PKHD1L1: variants seen among roughly 807,000 people sequenced by gnomAD.
PKHD1L1 encodes PKHD1 like 1, also known as fibrocystin-L.
In PKHD1L1, 434 loss-of-function variants were observed where a neutral mutation model predicts 462.9. That is an observed-to-expected ratio of 0.94 (90% CI 0.87 to 1.02). The LOEUF is 1.02. Among genes scored for constraint, PKHD1L1 ranks in the 50% least tolerant of loss-of-function variants. PKHD1L1 has a pLI of 0.00. For synonymous variants in PKHD1L1, 1,781 were observed against 1,750.0 expected (o/e 1.02, Z -0.44); for missense variants, 5,202 against 5,096.1 (o/e 1.02, Z -0.63).
At chr8:109,448,590 C>T (rs1240054083) in intron 39 of PKHD1L1, among the ~76,000 whole-genome samples, 199 bp downstream of exon 39, 1 of 151,198 alleles carries the variant, frequency 6.6e-6, no homozygotes, top group Admixed American at 6.6e-5. Flanking sequence ...TGGCTCATTG[C>T]AAGCTCTGCC....
At chr8:109,425,420 C>A (rs1814693580) in intron 24 of PKHD1L1, among the ~76,000 whole-genome samples, 188 bp downstream of exon 24, 1 of 151,284 alleles carries the variant, frequency 6.6e-6, no homozygotes, top group African/African-American at 2.4e-5. Flanking sequence ...TTAATATATA[C>A]CATATTAGGG....
At position 109,481,533 on chromosome 8, in the gene PKHD1L1, A is replaced by T. The variant is rs551910474; in HGVS notation, c.9428A>T (p.Glu3143Val). 2 of 1,596,312 alleles carry T rather than the reference A, an allele frequency of 1.3e-6. No individual in the cohort carries two copies. The highest frequency in any genetic ancestry group is 2.3e-5 in the South Asian group (2 of 87,768). The change falls in exon 56 of 78, where the codon GAA becomes GTA. Residue 3143 changes from glutamate (E) to valine (V), a missense_variant. Glu to Val is a moderately radical substitution (Grantham distance 121). Coordinates refer to ENST00000378402, the MANE Select transcript of PKHD1L1 (RefSeq NM_177531.6). ...NHTTQDWALPEGPNQGAKVLG... is the reference protein window; with the variant it reads ...NHTTQDWALPVGPNQGAKVLG... ...ACTACACAAGACTGGGCTCTTCCAGAAGGACCAAATCAAGGGGCAAAGGTC... is the reference window on the plus strand; with the variant it reads ...ACTACACAAGACTGGGCTCTTCCAGTAGGACCAAATCAAGGGGCAAAGGTC...
chr8:109,511,960 T>C (rs1820011363), intron 71 of PKHD1L1, among the ~76,000 whole-genome samples: 1 of 152,234 alleles, frequency 6.6e-6, no homozygotes, highest in Admixed American at 6.5e-5. Flanking sequence ...GTGAGCATTT[T>C]TTCATGCGTT....
chr8:109,413,823 A>G (rs575983847), intron 21 of PKHD1L1, among the ~76,000 whole-genome samples: 1 of 152,168 alleles, frequency 6.6e-6, no homozygotes, highest in East Asian at 1.9e-4. Flanking sequence ...GGTAAACTTT[A>G]GAATTTAAAT....
chr8:109,387,401 G>A (rs910070715), intron 6 of PKHD1L1, among the ~76,000 whole-genome samples: 1 of 152,164 alleles, frequency 6.6e-6, no homozygotes, highest in Admixed American at 6.6e-5. Flanking sequence ...CTGTGGTTAA[G>A]AATACTGACT....
Position 109,535,830 on chromosome 8 carries a change from AAAG to A in PKHD1L1, c.*5743_*5745del, listed in dbSNP as rs1232043172. Among the ~76,000 whole-genome samples the A allele has an allele frequency of 2.8e-4, 43 of 152,342 alleles. No homozygotes were observed. Among genetic ancestry groups the A allele is most frequent in the African/African-American group, 1.0e-3 (43 of 41,578 alleles). On this transcript the variant is annotated 3_prime_UTR_variant, in exon 78 of 78. Coordinates refer to ENST00000378402, the MANE Select transcript of PKHD1L1 (RefSeq NM_177531.6). ...TGCTGAAATGATGGACACTGAGAAG[AAAG>A]AATAGACAAAACTTGGCAACAGATC...
Position 109,532,020 on chromosome 8 carries a change from C to A in PKHD1L1, c.*1930C>A, listed in dbSNP as rs867353888. Reference sequence around the variant, plus strand: ...ATTCCAGCATCTATGGAACAAATTCCTACATTTGGGTTCTGGAAGAGATAC... The same window carrying A: ...ATTCCAGCATCTATGGAACAAATTCATACATTTGGGTTCTGGAAGAGATAC... On this transcript the variant is annotated 3_prime_UTR_variant, in exon 78 of 78. Transcript: ENST00000378402. Among the ~76,000 whole-genome samples, 1 of 152,144 alleles carries A rather than the reference C, an allele frequency of 6.6e-6. No individual in the cohort carries two copies. The highest frequency in any genetic ancestry group is 1.5e-5 in the Non-Finnish European group (1 of 68,014).
intron 14 of PKHD1L1, among the ~76,000 whole-genome samples, chr8:109,403,947 C>A (rs1000780881): frequency 6.6e-6 from 1 of 152,046 alleles, no homozygotes; most frequent in African/African-American, 2.4e-5. Flanking sequence ...CTTGGGTACA[C>A]AGTAGGATGA....
chr8:109,455,363 A>G (rs550368888), intron 45 of PKHD1L1, among the ~76,000 whole-genome samples: 2 of 152,216 alleles, frequency 1.3e-5, no homozygotes, highest in South Asian at 4.2e-4. Context: ...AAACAAACAA[A>G]CAAACAAAAC....
intron 2 of PKHD1L1, among the ~76,000 whole-genome samples, chr8:109,375,320 C>T (rs1243208511): frequency 6.6e-6 from 1 of 152,164 alleles, no homozygotes; most frequent in Non-Finnish European, 1.5e-5. Flanking sequence ...GCATTTGTCA[C>T]GTAGTTCTTG....
At chr8:109,522,090 T>C in intron 73 of PKHD1L1, 96 bp from the exon 74 acceptor site, 1 of 1,221,134 alleles carries the variant, frequency 8.2e-7, no homozygotes, top group Non-Finnish European at 1.1e-6. Flanking sequence ...TATAATGTGA[T>C]GGAGCAATGC....
Position 109,435,323 on chromosome 8 carries a change from A to G in PKHD1L1, c.3474A>G (p.Ser1158=). The G allele has an allele frequency of 6.2e-7, 1 of 1,613,598 alleles. No individual in the cohort carries two copies. The highest frequency in any genetic ancestry group is 8.5e-7 in the Non-Finnish European group (1 of 1,179,676). The change falls in exon 29 of 78, where the codon TCA becomes TCG. Residue 1158 remains serine (S), a synonymous_variant. Coordinates refer to ENST00000378402, the MANE Select transcript of PKHD1L1 (RefSeq NM_177531.6). ...ACTTTGTTTATCAGAGTCAGATCTC[A>G]CATATCTGGCCTGATTCTGGAAGCA... The part of the protein sequence containing the change: ...EFYFVYQSQI[S]HIWPDSGSIA...
intron 2 of PKHD1L1, among the ~76,000 whole-genome samples, chr8:109,369,334 T>C (rs2130323430): frequency 6.6e-6 from 1 of 152,336 alleles, no homozygotes; most frequent in East Asian, 1.9e-4. Flanking sequence ...TATTTCTTTT[T>C]AACTCTTTGG....
chr8:109,414,069 A>G (rs1814001112), intron 21 of PKHD1L1, among the ~76,000 whole-genome samples: 1 of 152,192 alleles, frequency 6.6e-6, no homozygotes, highest in Admixed American at 6.5e-5. Flanking sequence ...TCATGCCTTT[A>G]AACACAATTT....
chr8:109,442,924 G>C, intron 35 of PKHD1L1, 22 bp from the exon 36 acceptor site: 1 of 1,605,460 alleles, frequency 6.2e-7, no homozygotes. Flanking sequence ...TATTTATTAC[G>C]TACAATCTCA....
At chr8:109,486,420 T>C (rs1184159395) in intron 58 of PKHD1L1, among the ~76,000 whole-genome samples, 2 of 152,052 alleles carry the variant, frequency 1.3e-5, no homozygotes, top group Non-Finnish European at 2.9e-5. Flanking sequence ...ATTATAATAA[T>C]CATTTTGATG....
At position 109,445,237 on chromosome 8, in the gene PKHD1L1, G is replaced by A. The variant is rs1488877290; in HGVS notation, c.5368G>A (p.Ala1790Thr). ...TTTCATTGGAAATCAACAGTTCAGAGCAATAGAGGTTAATGAAAACAACAT... is the reference window on the plus strand; with the variant it reads ...TTTCATTGGAAATCAACAGTTCAGAACAATAGAGGTTAATGAAAACAACAT... Reference protein sequence around the residue: ...AVFIGNQQFRAIEVNENNITA... With the variant: ...AVFIGNQQFRTIEVNENNITA... The change falls in exon 38 of 78, where the codon GCA (alanine) becomes ACA (threonine). Residue 1790 changes from alanine (A) to threonine (T), a missense_variant. Ala to Thr is a moderately conservative substitution (Grantham distance 58). Transcript: ENST00000378402. 5.6e-6 allele frequency: 9 copies of A among 1,613,990 alleles called. No homozygotes were observed. The highest frequency in any genetic ancestry group is 1.7e-5 in the Admixed American group (1 of 60,028).
chr8:109,408,429 T>TCAAACCTTGG, intron 18 of PKHD1L1, among the ~76,000 whole-genome samples: 1 of 152,184 alleles, frequency 6.6e-6, no homozygotes, highest in Non-Finnish European at 1.5e-5. Flanking sequence ...AGACAAGGCA[T>TCAAACCTTGG]ATCTCAAAGG....
chr8:109,498,539 C>A lies in PKHD1L1; in HGVS notation c.10677C>A (p.Leu3559=). Residue 3559 remains leucine, a synonymous_variant, in exon 66 of 78, where the codon CTC becomes CTA. Transcript: ENST00000378402. ...CTAATGATGATCCTAATATTGAACT[C>A]ACTGCTGCTCATCGGAGTCCTAGAT... ...VLTNDDPNIE[L]TAAHRSPRSP... 6.2e-7 allele frequency: 1 copy of A among 1,613,648 alleles called. No homozygotes were observed. The highest frequency in any genetic ancestry group is 8.5e-7 in the Non-Finnish European group (1 of 1,179,586).
Sources: gnomAD v4.1 joint callset for allele counts (sites outside exome capture counted in the v4.1 genomes callset) on GRCh38, gnomAD v4.1.1 for gene constraint, MANE v1.5 for transcripts, NCBI Gene and HGNC (gene_info 2026-07-23, HGNC 2026-07-21) for gene names.